Variants in JAK1 observed in about 807,000 individuals in gnomAD.
JAK1 encodes Janus kinase 1.
In JAK1, 16 loss-of-function variants were observed where a neutral mutation model predicts 136.6. The ratio of observed to expected loss-of-function variants is 0.12; its 90% confidence interval spans 0.08 to 0.18. The LOEUF is 0.18. Ranked by LOEUF, JAK1 falls within the 10% of genes least tolerant of loss-of-function variation. The pLI is 1.00. For missense variants in JAK1, 859 were observed against 1,450.1 expected, an observed-to-expected ratio of 0.59 and a Z score of 6.62; for synonymous variants, 492 against 519.5, an observed-to-expected ratio of 0.95 and a Z score of 0.72.
chr1:64,842,875 T>C (rs1436714903), intron 17 of JAK1, among the ~76,000 whole-genome samples: 1 of 152,186 alleles, frequency 6.6e-6, no homozygotes. Flanking sequence ...CATCATTAAC[T>C]GGCAAGTCAT....
intron 2 of JAK1, among the ~76,000 whole-genome samples, chr1:65,018,487 A>ACAC (rs1394294153): frequency 1.0e-5 from 1 of 96,042 alleles, no homozygotes; most frequent in East Asian, 3.6e-4. Context: ...AGAGAGAGAG[A>ACAC]ACACACACAC....
At chr1:65,049,314 C>A (rs1290935768) in intron 1 of JAK1, among the ~76,000 whole-genome samples, 4 of 152,112 alleles carry the variant, frequency 2.6e-5, no homozygotes, top group Non-Finnish European at 5.9e-5. Flanking sequence ...CCCAGATACT[C>A]AGGAGGCTGA....
chr1:64,926,914 T>C (rs1645592938), intron 1 of JAK1, among the ~76,000 whole-genome samples: 1 of 152,218 alleles, frequency 6.6e-6, no homozygotes, highest in Non-Finnish European at 1.5e-5. Flanking sequence ...AGTTAATGTA[T>C]GTGAAGGCAC....
intron 17 of JAK1, 135 bp downstream of exon 17, chr1:64,843,929 A>C: frequency 1.1e-6 from 1 of 916,438 alleles, no homozygotes; most frequent in East Asian, 2.5e-5. Flanking sequence ...GAGGTCACAC[A>C]CCCAGTAGGC....
chr1:64,978,820 G>A (rs894277775), intron 2 of JAK1, among the ~76,000 whole-genome samples: 6 of 151,338 alleles, frequency 4.0e-5, no homozygotes, highest in African/African-American at 1.5e-4. Context: ...TCAGAAAGCA[G>A]GACACTTGCA....
upstream of JAK1, among the ~76,000 whole-genome samples, chr1:64,970,797 GAT>G (rs1432451770): frequency 6.7e-6 from 1 of 150,032 alleles, no homozygotes; most frequent in Non-Finnish European, 1.5e-5. Flanking sequence ...TAGAATATAT[GAT>G]ATATAGGAGA....
At chr1:65,025,961 G>A (rs1646974674) in intron 2 of JAK1, among the ~76,000 whole-genome samples, 1 of 152,146 alleles carries the variant, frequency 6.6e-6, no homozygotes, top group Admixed American at 6.5e-5. Context: ...TTACAGGCAT[G>A]AGCCACCACA....
chr1:64,971,822 G>A (rs934019924), intron 2 of JAK1, among the ~76,000 whole-genome samples: 3 of 152,180 alleles, frequency 2.0e-5, no homozygotes, highest in African/African-American at 7.2e-5. Flanking sequence ...GCCTTCCAAA[G>A]TGCTGAGATT....
At chr1:64,948,072 T>TA (rs1646019769) in intron 1 of JAK1, among the ~76,000 whole-genome samples, 1 of 152,186 alleles carries the variant, frequency 6.6e-6, no homozygotes, top group African/African-American at 2.4e-5. Context: ...AGGAGGGTAA[T>TA]ACATAGAGAT....
intron 14 of JAK1, 99 bp from the exon 15 acceptor site, chr1:64,845,739 C>T: frequency 7.0e-7 from 1 of 1,430,206 alleles, no homozygotes; most frequent in Non-Finnish European, 9.8e-7. Flanking sequence ...ACTACTCGGC[C>T]TCAGAGTACA....
chr1:64,991,890 T>C (rs777732712), intron 2 of JAK1: 1 of 152,218 alleles, frequency 6.6e-6, no homozygotes, highest in Non-Finnish European at 1.5e-5. Flanking sequence ...GTAAATATTA[T>C]ACACTGAAAA....
chr1:65,060,821 A>G (rs2100888966), intron 1 of JAK1, among the ~76,000 whole-genome samples: 1 of 152,294 alleles, frequency 6.6e-6, no homozygotes, highest in South Asian at 2.1e-4. Flanking sequence ...ATTTTTGAAA[A>G]TTTAAATCCA....
At chr1:64,964,756 T>A (rs937160426) in intron 1 of JAK1, among the ~76,000 whole-genome samples, 1 of 152,218 alleles carries the variant, frequency 6.6e-6, no homozygotes, top group Non-Finnish European at 1.5e-5. Flanking sequence ...TTATGATTAT[T>A]CCTATTTATA....
Position 64,844,992 on chromosome 1 carries a change from G to C in JAK1, c.2116-103C>G. ...CTCTTCCTACCCCCAGCTACAGCCA[G>C]ATCTGGACAGCCTGGCCCTGCTGCC... On this transcript the variant is annotated intron_variant, in intron 15 of 24. Coordinates refer to ENST00000342505, the MANE Select transcript of JAK1 (RefSeq NM_002227.4). This position sits in a 1 kb window ranked among gnomAD's most constrained non-coding sequence, Gnocchi z 5.7. 1.3e-6 allele frequency: 2 copies of C among 1,490,568 alleles called. No homozygotes were observed. The highest frequency in any genetic ancestry group is 1.4e-5 in the African/African-American group (1 of 72,846). The allele number at this position is 1,490,568 out of a possible 1,614,324, so 92.3% of individuals were successfully genotyped here. A position where few individuals can be genotyped will look rare whatever the true frequency, so the allele number is the denominator to read the frequency against.
chr1:64,856,845 C>T (rs1274585374), intron 10 of JAK1, among the ~76,000 whole-genome samples: 1 of 124,992 alleles, frequency 8.0e-6, no homozygotes, highest in Non-Finnish European at 1.6e-5. Flanking sequence ...CCCAGGGGTT[C>T]GCCAATAAGC....
intron 14 of JAK1, 52 bp downstream of exon 14, chr1:64,846,597 A>C: frequency 7.3e-7 from 1 of 1,368,654 alleles, no homozygotes; most frequent in Non-Finnish European, 1.0e-6. Context: ...TCTCCACAGC[A>C]CCCAAGCTCC....
At chr1:65,021,921 C>T (rs139682517) in intron 2 of JAK1, among the ~76,000 whole-genome samples, 1,658 of 152,260 alleles carry the variant, frequency 0.011, 23 homozygotes, top group African/African-American at 0.037. Flanking sequence ...GACTCATTTG[C>T]TTCCCACATA....
intron 4 of JAK1, 38 bp from the exon 5 acceptor site, chr1:64,873,561 G>A: frequency 1.2e-6 from 2 of 1,613,494 alleles, no homozygotes; most frequent in Non-Finnish European, 1.7e-6. Flanking sequence ...TGTGGCAAAG[G>A]GGACCCAGAT....
chr1:64,893,734 T>C (rs1415185081), intron 1 of JAK1, among the ~76,000 whole-genome samples: 1 of 152,232 alleles, frequency 6.6e-6, no homozygotes, highest in African/African-American at 2.4e-5. Context: ...CCCTAACTTA[T>C]AAAAGTTTGA....
Sources: allele counts gnomAD v4.1 joint callset (sites outside exome capture counted in the v4.1 genomes callset), GRCh38; gene constraint gnomAD v4.1.1; non-coding constraint Gnocchi (gnomAD v3.1); transcripts MANE v1.5; gene names NCBI Gene and HGNC (gene_info 2026-07-23, HGNC 2026-07-21).